TOX: variants seen among roughly 807,000 people sequenced by gnomAD.
TOX encodes the protein thymocyte selection-associated high mobility group box protein TOX.
Under a neutral mutation model 53.7 loss-of-function variants are expected in TOX, and 11 were observed. That is an observed-to-expected ratio of 0.20 (90% CI 0.13 to 0.34). The LOEUF (loss-of-function observed/expected upper bound fraction) is 0.34. Ranked by LOEUF, TOX falls within the 10% of genes least tolerant of loss-of-function variation. The pLI is 1.00. For missense variants in TOX, 570 were observed against 664.6 expected, an observed-to-expected ratio of 0.86 and a Z score of 1.56; for synonymous variants, 225 against 245.3, an observed-to-expected ratio of 0.92 and a Z score of 0.77.
At chr8:58,949,093 G>T (rs1208936667) in intron 2 of TOX, among the ~76,000 whole-genome samples, 2 of 152,134 alleles carry the variant, frequency 1.3e-5, no homozygotes, top group African/African-American at 4.8e-5. Flanking sequence ...ATAAAATAGG[G>T]ATGATGATAG....
intron 2 of TOX, among the ~76,000 whole-genome samples, chr8:58,954,915 G>A (rs908236296): frequency 3.3e-5 from 5 of 152,186 alleles, no homozygotes; most frequent in African/African-American, 1.2e-4. Flanking sequence ...AGTGGGTGAG[G>A]AAGCAGGTGG....
intron 3 of TOX, among the ~76,000 whole-genome samples, chr8:58,852,141 T>C (rs1810834797): frequency 6.6e-6 from 1 of 152,118 alleles, no homozygotes; most frequent in Admixed American, 6.6e-5. Flanking sequence ...TACAGCATGA[T>C]CATATTTATA....
chr8:58,859,089 C>T (rs1282123652), intron 3 of TOX, among the ~76,000 whole-genome samples: 1 of 152,166 alleles, frequency 6.6e-6, no homozygotes, highest in African/African-American at 2.4e-5. Context: ...GTTGTCCAAA[C>T]ACATTAAATA....
intron 1 of TOX, among the ~76,000 whole-genome samples, chr8:59,047,372 A>G (rs1187282564): frequency 6.7e-6 from 1 of 150,108 alleles, no homozygotes; most frequent in Non-Finnish European, 1.5e-5. Context: ...GCCCGCCACC[A>G]CGCCCAGCTA....
chr8:58,961,748 A>C (rs182013146), intron 1 of TOX, among the ~76,000 whole-genome samples: 29 of 146,576 alleles, frequency 2.0e-4, no homozygotes, highest in African/African-American at 6.5e-4. Context: ...CAGCCTCCCA[A>C]AGCCTGCCTC....
intron 1 of TOX, among the ~76,000 whole-genome samples, chr8:59,028,821 C>T (rs1814294463): frequency 6.6e-6 from 1 of 152,134 alleles, no homozygotes; most frequent in South Asian, 2.1e-4. Context: ...AAGACAATTG[C>T]TGATCTACCT....
In TOX at chr8:59,118,741, G is replaced by GC; in HGVS notation, c.102+144dup. On this transcript the variant is annotated intron_variant, in intron 1 of 8. Coordinates refer to ENST00000361421, the MANE Select transcript of TOX (RefSeq NM_014729.3). The surrounding 1 kb of genome is among the most constrained non-coding windows in gnomAD (Gnocchi z 4.1). The stretch of plus-strand genomic sequence containing the variant: ...CTACTCCACAATATTTACTACCCAA[G>GC]CGCACGCAGGCTGCAGCGGGCTGCG... The GC allele has an allele frequency of 2.2e-6, 1 of 449,150 alleles. No homozygotes were observed. The highest frequency in any genetic ancestry group is 3.8e-6 in the Non-Finnish European group (1 of 262,198). 27.8% of individuals were successfully genotyped at this position (449,150 alleles called of 1,614,324 possible).
intron 6 of TOX, among the ~76,000 whole-genome samples, chr8:58,822,519 T>C (rs998689416): frequency 7.9e-5 from 12 of 152,204 alleles, no homozygotes; most frequent in African/African-American, 2.9e-4. Context: ...GTTTTGTCCC[T>C]GGCTCCACAC....
chr8:59,027,565 A>G (rs1394216046), intron 1 of TOX, among the ~76,000 whole-genome samples: 12 of 152,164 alleles, frequency 7.9e-5, no homozygotes. Flanking sequence ...GTACCTTTCT[A>G]AAACATTCTT....
At chr8:59,097,421 G>A (rs1804731315) in intron 1 of TOX, among the ~76,000 whole-genome samples, 1 of 152,106 alleles carries the variant, frequency 6.6e-6, no homozygotes, top group Admixed American at 6.6e-5. Context: ...AAGTCTAGGT[G>A]GTGCTTTACA....
intron 7 of TOX, among the ~76,000 whole-genome samples, chr8:58,813,137 C>T (rs1810112134): frequency 6.6e-6 from 1 of 152,194 alleles, no homozygotes; most frequent in Non-Finnish European, 1.5e-5. Context: ...GTAATCTGTT[C>T]TATTTTTTCT....
chr8:58,937,071 A>G (rs1193336070), intron 3 of TOX, among the ~76,000 whole-genome samples: 2 of 152,132 alleles, frequency 1.3e-5, no homozygotes, highest in Non-Finnish European at 2.9e-5. Context: ...CATTTGCTGG[A>G]GTCGCTTTTT....
At chr8:59,085,119 A>T (rs1465970693) in intron 1 of TOX, among the ~76,000 whole-genome samples, 1 of 152,226 alleles carries the variant, frequency 6.6e-6, no homozygotes, top group Non-Finnish European at 1.5e-5. Flanking sequence ...ACACTATAGC[A>T]CTTACCAAAA....
intron 1 of TOX, among the ~76,000 whole-genome samples, chr8:59,036,032 C>T (rs310373): frequency 0.076 from 11,619 of 152,296 alleles, 1,217 homozygotes; most frequent in East Asian, 0.47. Flanking sequence ...CTGGCCCAGG[C>T]ACTAACTCCA....
chr8:58,984,782 CAAAA>C lies in TOX; in HGVS notation c.103-24778_103-24775del, dbSNP rs11364474. Among the ~76,000 whole-genome samples, 246 of 77,380 alleles carry C rather than the reference CAAAA, an allele frequency of 3.2e-3. 2 individuals are homozygous for C. Among genetic ancestry groups the C allele is most frequent in the Non-Finnish European group, 4.9e-3 (205 of 41,666 alleles). The allele number at this position is 77,380 out of a possible 152,430, so 50.8% of individuals were successfully genotyped here. A position where few individuals can be genotyped will look rare whatever the true frequency, so the allele number is the denominator to read the frequency against. ...TGGGCGACAGAGCAAGACTCCGTCTCAAAAAAAAAAAAAAAAAAAAAAAATTGAC... is the reference window on the plus strand; with the variant it reads ...TGGGCGACAGAGCAAGACTCCGTCTCAAAAAAAAAAAAAAAAAAAATTGAC... On this transcript the variant is annotated intron_variant, in intron 1 of 8. Transcript: ENST00000361421.
At position 59,118,739 on chromosome 8, in the gene TOX, A is replaced by C. The variant is rs1805154157; in HGVS notation, c.102+147T>G. 2.2e-6 allele frequency: 1 copy of C among 447,912 alleles called. No homozygotes were observed. The highest frequency in any genetic ancestry group is 3.8e-6 in the Non-Finnish European group (1 of 261,246). The allele number at this position is 447,912 out of a possible 1,614,324, so 27.7% of individuals were successfully genotyped here. Reference sequence around the variant, plus strand: ...AGCTACTCCACAATATTTACTACCCAAGCGCACGCAGGCTGCAGCGGGCTG... The same window carrying C: ...AGCTACTCCACAATATTTACTACCCCAGCGCACGCAGGCTGCAGCGGGCTG... On this transcript the variant is annotated intron_variant, in intron 1 of 8. Transcript: ENST00000361421. The surrounding 1 kb of genome is among the most constrained non-coding windows in gnomAD (Gnocchi z 4.1).
chr8:59,082,482 T>C (rs1563440528), intron 1 of TOX, among the ~76,000 whole-genome samples: 1 of 152,276 alleles, frequency 6.6e-6, no homozygotes, highest in Non-Finnish European at 1.5e-5. Context: ...CATATATTTA[T>C]GGATATGAAT....
chr8:58,951,031 A>C (rs1037398127), intron 2 of TOX, among the ~76,000 whole-genome samples: 1 of 152,218 alleles, frequency 6.6e-6, no homozygotes, highest in African/African-American at 2.4e-5. Context: ...TATTTCCCAG[A>C]GTATTCTCAC....
At chr8:58,868,037 A>C (rs1811132398) in intron 3 of TOX, among the ~76,000 whole-genome samples, 1 of 152,162 alleles carries the variant, frequency 6.6e-6, no homozygotes, top group Admixed American at 6.5e-5. Context: ...ATGTCATGGG[A>C]GGGGCCTGGT....
Sources: allele counts gnomAD v4.1 joint callset (sites outside exome capture counted in the v4.1 genomes callset), GRCh38; gene constraint gnomAD v4.1.1; non-coding constraint Gnocchi (gnomAD v3.1); transcripts MANE v1.5; gene names NCBI Gene and HGNC (gene_info 2026-07-23, HGNC 2026-07-21).